The following TFEC variants were observed in gnomAD, a reference collection of about 807,000 sequenced individuals.
TFEC encodes transcription factor EC.
TFEC carries 31 observed loss-of-function variants against 41.6 expected under a neutral mutation model. The observed-to-expected ratio is 0.74, with a 90% CI of 0.56 to 1.01. The LOEUF is 1.01. TFEC is among the 50% of genes least tolerant of loss of function. The probability of loss-of-function intolerance (pLI) is 0.00; values close to 1 mark genes in which losing one functional copy is unlikely to be tolerated. For synonymous variants in TFEC, 143 were observed against 140.6 expected (o/e 1.02, Z -0.12); for missense variants, 402 against 404.1 (o/e 0.99, Z 0.04).
intron 6 of TFEC, among the ~76,000 whole-genome samples, chr7:115,942,489 T>G (rs1562875351): frequency 6.6e-6 from 1 of 152,036 alleles, no homozygotes; most frequent in African/African-American, 2.4e-5. Flanking sequence ...AAGGTTGCTT[T>G]TATGTTTCTA....
At chr7:115,941,801 A>T in intron 7 of TFEC, 92 bp downstream of exon 7, 2 of 1,477,784 alleles carry the variant, frequency 1.4e-6, no homozygotes, top group Non-Finnish European at 1.8e-6. Context: ...AATTGTTAAT[A>T]AGAGAAAAAA....
At chr7:116,077,619 G>A (rs1159560635) in intron 3 of TFEC, among the ~76,000 whole-genome samples, 1 of 151,984 alleles carries the variant, frequency 6.6e-6, no homozygotes, top group Non-Finnish European at 1.5e-5. Flanking sequence ...GCAAGCAAGA[G>A]TAGTTATTCT....
At chr7:116,001,808 C>A (rs1379270192) in intron 1 of TFEC, among the ~76,000 whole-genome samples, 1 of 151,952 alleles carries the variant, frequency 6.6e-6, no homozygotes, top group Non-Finnish European at 1.5e-5. Flanking sequence ...AGAAAAAAAT[C>A]TAATAATCCA....
At chr7:116,057,819 T>G (rs1231334878) in intron 3 of TFEC, among the ~76,000 whole-genome samples, 3 of 151,770 alleles carry the variant, frequency 2.0e-5, no homozygotes, top group Non-Finnish European at 4.4e-5. Flanking sequence ...TAATATAACT[T>G]GAAAAATTGT....
At chr7:115,990,340 G>T (rs1483437768) in intron 1 of TFEC, among the ~76,000 whole-genome samples, 1 of 152,170 alleles carries the variant, frequency 6.6e-6, no homozygotes, top group Non-Finnish European at 1.5e-5. Context: ...AAGGAGCGCG[G>T]CTCCTCACCA....
intron 3 of TFEC, among the ~76,000 whole-genome samples, chr7:116,109,242 G>A (rs945548628): frequency 1.3e-5 from 2 of 152,048 alleles, no homozygotes; most frequent in Admixed American, 1.3e-4. Context: ...TTAAACTAAA[G>A]AGCTTCTGCA....
intron 3 of TFEC, among the ~76,000 whole-genome samples, chr7:115,963,665 G>A (rs1299509559): frequency 6.6e-6 from 1 of 151,566 alleles, no homozygotes; most frequent in Non-Finnish European, 1.5e-5. Flanking sequence ...AACCACAATA[G>A]GATATATATT....
At chr7:116,061,387 T>C (rs2130989502) in intron 3 of TFEC, among the ~76,000 whole-genome samples, 1 of 152,232 alleles carries the variant, frequency 6.6e-6, no homozygotes, top group South Asian at 2.1e-4. Context: ...CAAATTATTC[T>C]GGAGAAGTTA....
chr7:116,052,055 T>C (rs1796324953), intron 3 of TFEC, among the ~76,000 whole-genome samples: 1 of 150,760 alleles, frequency 6.6e-6, no homozygotes. Flanking sequence ...ACGTTTTAAC[T>C]TTGAGGTGCC....
chr7:116,136,416 G>T (rs1196384959), intron 1 of TFEC, among the ~76,000 whole-genome samples: 1 of 151,888 alleles, frequency 6.6e-6, no homozygotes, highest in African/African-American at 2.4e-5. Context: ...AGAACATAGT[G>T]CTAAGATTTC....
chr7:116,092,445 T>C lies in TFEC; in HGVS notation c.198+18263A>G, dbSNP rs545678831. Among the ~76,000 whole-genome samples the C allele has an allele frequency of 5.8e-4, 88 of 152,226 alleles. 1 individual carries two copies. Among genetic ancestry groups the C allele is most frequent in the African/African-American group, 2.0e-3 (85 of 41,524 alleles). On this transcript the variant is annotated intron_variant, in intron 3 of 8. Coordinates refer to the TFEC transcript ENST00000484212. ...TACATCTTTCGTGTATTCCATTAAT[T>C]CTAAAATAAATATGTTACCTGAGGC...
chr7:115,960,109 A>T (rs1792457748), intron 3 of TFEC, among the ~76,000 whole-genome samples: 1 of 151,512 alleles, frequency 6.6e-6, no homozygotes. Flanking sequence ...TACTAAAATG[A>T]AATAATATAC....
intron 1 of TFEC, among the ~76,000 whole-genome samples, chr7:116,025,080 G>T (rs974004811): frequency 3.3e-5 from 5 of 152,156 alleles, no homozygotes; most frequent in African/African-American, 1.2e-4. Context: ...AACAAATGGA[G>T]ATGCAAATGA....
chr7:116,050,706 A>C (rs2130954107), intron 3 of TFEC, among the ~76,000 whole-genome samples: 1 of 152,370 alleles, frequency 6.6e-6, no homozygotes, highest in African/African-American at 2.4e-5. Context: ...GTGGGACTGT[A>C]AACTAGTTCA....
At chr7:116,007,363 G>T (rs1193475945) in intron 1 of TFEC, among the ~76,000 whole-genome samples, 5 of 152,136 alleles carry the variant, frequency 3.3e-5, no homozygotes, top group Non-Finnish European at 7.4e-5. Flanking sequence ...AATCACCAAA[G>T]ATTTAGTCAG....
intron 1 of TFEC, among the ~76,000 whole-genome samples, chr7:116,029,430 A>C (rs1209636010): frequency 1.3e-5 from 2 of 152,288 alleles, no homozygotes; most frequent in South Asian, 4.1e-4. Context: ...TGCTGATAAT[A>C]AACTGCGTAC....
At chr7:116,155,097 C>A (rs191677992) in intron 1 of TFEC, among the ~76,000 whole-genome samples, 1 of 147,908 alleles carries the variant, frequency 6.8e-6, no homozygotes, top group Non-Finnish European at 1.5e-5. Context: ...GTAACCAATT[C>A]TCTCTATTAG....
chr7:116,126,918 C>A lies in TFEC; in HGVS notation c.-68-14880G>T, dbSNP rs188968997. On this transcript the variant is annotated intron_variant, in intron 1 of 8. Transcript: ENST00000484212. ...GAATGAAGGACTCCTGAAAAAAGAACCCTTCGACAAAATAAATTAAATAAA... is the reference window on the plus strand; with the variant it reads ...GAATGAAGGACTCCTGAAAAAAGAAACCTTCGACAAAATAAATTAAATAAA... Among the ~76,000 whole-genome samples the A allele has an allele frequency of 3.3e-3, 503 of 152,180 alleles. 3 individuals carry two copies. Among genetic ancestry groups the A allele is most frequent in the Non-Finnish European group, 5.4e-3 (366 of 68,000 alleles).
chr7:115,982,273 T>C lies in TFEC; in HGVS notation c.180+1989A>G, dbSNP rs549900734. On this transcript the variant is annotated intron_variant, in intron 2 of 7. Transcript: ENST00000265440. The stretch of plus-strand genomic sequence containing the variant: ...CATCTCCTGGGCTCCCACTCTGCCC[T>C]TGTGTTAAAAATTTAAAATTCAAGC... Among the ~76,000 whole-genome samples, 345 of 151,444 alleles carry C rather than the reference T, an allele frequency of 2.3e-3. 2 individuals carry two copies. Among genetic ancestry groups the C allele is most frequent in the Non-Finnish European group, 4.1e-3 (277 of 67,876 alleles).
Sources: allele counts gnomAD v4.1 joint callset (sites outside exome capture counted in the v4.1 genomes callset), GRCh38; gene constraint gnomAD v4.1.1; transcripts MANE v1.5; gene names NCBI Gene and HGNC (gene_info 2026-07-23, HGNC 2026-07-21).